OPCML: variants seen among roughly 807,000 people sequenced by gnomAD.
The protein encoded by OPCML is opioid binding protein/cell adhesion molecule like, also known as opioid-binding protein/cell adhesion molecule.
OPCML carries 13 observed loss-of-function variants against 37.8 expected under a neutral mutation model. The observed-to-expected ratio is 0.34, with a 90% CI of 0.22 to 0.55. The LOEUF (loss-of-function observed/expected upper bound fraction) is 0.55. Ranked by LOEUF, OPCML falls within the 20% of genes least tolerant of loss-of-function variation. OPCML has a pLI of 0.91. For synonymous variants in OPCML, 176 were observed against 168.8 expected (o/e 1.04, Z -0.33); for missense variants, 341 against 435.6 (o/e 0.78, Z 1.93).
At chr11:133,255,108 C>G (rs1941268113) in intron 1 of OPCML, among the ~76,000 whole-genome samples, 1 of 152,184 alleles carries the variant, frequency 6.6e-6, no homozygotes, top group African/African-American at 2.4e-5. Flanking sequence ...GCTGTGCCAT[C>G]CGTACACTAA....
chr11:133,406,999 C>T (rs1945541061), intron 1 of OPCML, among the ~76,000 whole-genome samples: 1 of 152,182 alleles, frequency 6.6e-6, no homozygotes, highest in African/African-American at 2.4e-5. Context: ...CCCAAACCTC[C>T]TATTCAGTTT....
intron 1 of OPCML, chr11:133,422,199 C>G (rs1205194556): frequency 1.0e-6 from 1 of 984,368 alleles, no homozygotes; most frequent in Non-Finnish European, 1.2e-6. Context: ...ACAAAGGGCT[C>G]TTCAGTCCTT....
chr11:133,494,535 G>A (rs1591563489), intron 1 of OPCML, among the ~76,000 whole-genome samples: 1 of 146,968 alleles, frequency 6.8e-6, no homozygotes, highest in East Asian at 2.0e-4. Context: ...GGAATACTAT[G>A]CAGCCATAAA....
intron 4 of OPCML, among the ~76,000 whole-genome samples, chr11:132,477,019 A>G: frequency 6.6e-6 from 1 of 152,188 alleles, no homozygotes; most frequent in East Asian, 1.9e-4. Flanking sequence ...AAAAATAGGT[A>G]AATTGACCAC....
At chr11:132,890,513 A>AC (rs1943598404) in intron 2 of OPCML, among the ~76,000 whole-genome samples, 1 of 152,148 alleles carries the variant, frequency 6.6e-6, no homozygotes, top group Non-Finnish European at 1.5e-5. Flanking sequence ...AAGGGAGGTT[A>AC]CAAAGATACA....
chr11:132,506,151 C>T (rs565287263), intron 4 of OPCML, among the ~76,000 whole-genome samples: 3 of 152,218 alleles, frequency 2.0e-5, no homozygotes, highest in African/African-American at 7.2e-5. Context: ...AGATTGTGAC[C>T]TTTGGATTTT....
At chr11:132,491,444 C>T (rs1413679844) in intron 4 of OPCML, among the ~76,000 whole-genome samples, 1 of 152,190 alleles carries the variant, frequency 6.6e-6, no homozygotes, top group African/African-American at 2.4e-5. Context: ...AGTGTGGATT[C>T]CCTCGGCTGG....
intron 1 of OPCML, among the ~76,000 whole-genome samples, chr11:132,963,344 C>A (rs1357824894): frequency 6.6e-6 from 1 of 152,070 alleles, no homozygotes; most frequent in Non-Finnish European, 1.5e-5. Flanking sequence ...GTAATCCCAG[C>A]ACTTTGGGAG....
At chr11:132,547,089 A>G (rs2137405471) in intron 3 of OPCML, among the ~76,000 whole-genome samples, 1 of 152,328 alleles carries the variant, frequency 6.6e-6, no homozygotes, top group Non-Finnish European at 1.5e-5. Context: ...AAAATGTCAA[A>G]GGCTTTTGGG....
chr11:133,182,890 A>T lies in OPCML; in HGVS notation c.62-239880T>A, dbSNP rs78650850. ...CAAAGAACAAAGTCATTCTTCCTGG[A>T]ACACCACGAAGGCGCCCAACCCCAA... On this transcript the variant is annotated intron_variant, in intron 1 of 7. Coordinates refer to ENST00000524381, the MANE Select transcript of OPCML (RefSeq NM_001012393.5). 8.0e-3 allele frequency among the ~76,000 whole-genome samples: 1,225 copies of T among 152,244 alleles called. 14 individuals are homozygous for T. Among genetic ancestry groups the T allele is most frequent in the African/African-American group, 0.028 (1,179 of 41,548 alleles).
intron 1 of OPCML, among the ~76,000 whole-genome samples, chr11:133,335,389 T>C (rs895887211): frequency 3.9e-5 from 6 of 152,160 alleles, no homozygotes; most frequent in African/African-American, 1.4e-4. Flanking sequence ...GCCGGCAGAT[T>C]GTCTTCAGAA....
chr11:132,861,820 G>T lies in OPCML; in HGVS notation c.146+81106C>A, dbSNP rs1312691890. ...ATTGCACTCCAGCCTGGGCAACAGA[G>T]TGAGACTCCATCTCAAATAAAAAAA... On this transcript the variant is annotated intron_variant, in intron 2 of 7. Coordinates refer to ENST00000524381, the MANE Select transcript of OPCML (RefSeq NM_001012393.5). 3.4e-5 allele frequency among the ~76,000 whole-genome samples: 5 copies of T among 148,018 alleles called. No homozygotes were observed. The East Asian group carries it at 8.0e-4, about 24-fold the overall frequency.
At chr11:132,892,806 TG>T (rs1454772203) in intron 2 of OPCML, among the ~76,000 whole-genome samples, 9 of 152,208 alleles carry the variant, frequency 5.9e-5, no homozygotes, top group African/African-American at 2.2e-4. Flanking sequence ...GTGTGACTGT[TG>T]TTGCAATACT....
At chr11:133,124,143 C>T (rs1285138472) in intron 1 of OPCML, among the ~76,000 whole-genome samples, 1 of 150,536 alleles carries the variant, frequency 6.6e-6, no homozygotes, top group African/African-American at 2.5e-5. Context: ...CTACTTCTCC[C>T]ATACTTAAGC....
At chr11:132,994,759 C>G (rs976153481) in intron 1 of OPCML, among the ~76,000 whole-genome samples, 8 of 152,120 alleles carry the variant, frequency 5.3e-5, no homozygotes, top group Non-Finnish European at 1.0e-4. Flanking sequence ...GAACACAGCC[C>G]CTGCCCTCAA....
intron 1 of OPCML, among the ~76,000 whole-genome samples, chr11:133,453,367 T>C (rs1946615212): frequency 6.6e-6 from 1 of 152,206 alleles, no homozygotes; most frequent in South Asian, 2.1e-4. Context: ...AACTTTTGAT[T>C]GGATGCTAGA....
intron 1 of OPCML, among the ~76,000 whole-genome samples, chr11:133,287,944 T>C (rs1942352835): frequency 6.6e-6 from 1 of 152,158 alleles, no homozygotes; most frequent in Non-Finnish European, 1.5e-5. Context: ...ACGGCAGTCT[T>C]CTTGAAGACA....
At chr11:132,618,544 C>A (rs1939177459) in intron 3 of OPCML, among the ~76,000 whole-genome samples, 1 of 152,118 alleles carries the variant, frequency 6.6e-6, no homozygotes, top group Admixed American at 6.5e-5. Context: ...CTTCTTTTCA[C>A]CTTCACTACC....
At chr11:133,057,112 G>T (rs1418182916) in intron 1 of OPCML, among the ~76,000 whole-genome samples, 1 of 152,188 alleles carries the variant, frequency 6.6e-6, no homozygotes, top group Non-Finnish European at 1.5e-5. Flanking sequence ...CAAAGTGCTG[G>T]GATTACAGGC....
Sources: allele counts gnomAD v4.1 joint callset (sites outside exome capture counted in the v4.1 genomes callset), GRCh38; gene constraint gnomAD v4.1.1; transcripts MANE v1.5; gene names NCBI Gene and HGNC (gene_info 2026-07-23, HGNC 2026-07-21).